DCDC2C: variants seen among roughly 807,000 people sequenced by gnomAD.
The protein encoded by DCDC2C is doublecortin domain-containing protein 2C.
A neutral mutation model predicts 45.0 loss-of-function variants in DCDC2C; 44 were observed. That is an observed-to-expected ratio of 0.98 (90% confidence interval 0.77 to 1.26). DCDC2C has a LOEUF of 1.26. DCDC2C is among the 50% of genes most tolerant of loss of function. The pLI is 0.00. For missense variants in DCDC2C, 447 were observed against 468.9 expected, an observed-to-expected ratio of 0.95 and a Z score of 0.43; for synonymous variants, 187 against 178.8, an observed-to-expected ratio of 1.05 and a Z score of -0.37.
chr2:3,706,922 G>C (rs1320504385), intron 1 of DCDC2C, among the ~76,000 whole-genome samples: 2 of 152,228 alleles, frequency 1.3e-5, no homozygotes, highest in African/African-American at 4.8e-5. Context: ...CCATAAAGCA[G>C]GCTGGCTTCA....
chr2:3,796,437 G>C (rs1670954614), intron 10 of DCDC2C, among the ~76,000 whole-genome samples: 1 of 115,006 alleles, frequency 8.7e-6, no homozygotes, highest in African/African-American at 3.7e-5. Context: ...GGGCATCCCT[G>C]TCTTGTGCCA....
At chr2:3,781,927 C>T (rs751496313) in intron 9 of DCDC2C, among the ~76,000 whole-genome samples, 13 of 152,174 alleles carry the variant, frequency 8.5e-5, no homozygotes, top group African/African-American at 2.2e-4. Flanking sequence ...TGATCACAAA[C>T]GTTATTTTTG....
Position 3,703,599 on chromosome 2 carries a change from C to T in DCDC2C, c.-153C>T, listed in dbSNP as rs1667931048. The T allele has an allele frequency of 2.7e-6, 2 of 731,020 alleles. No individual in the cohort carries two copies. Among genetic ancestry groups the T allele is most frequent in the Non-Finnish European group, 1.8e-6 (1 of 546,382 alleles). 45.3% of individuals were successfully genotyped at this position (731,020 alleles called of 1,614,324 possible). A position where few individuals can be genotyped will look rare whatever the true frequency, so the allele number is the denominator to read the frequency against. Reference sequence around the variant, plus strand: ...CAGCCCCGTCCCGTCCCCGTCCAGCCCCCGTCCCGTCCCCGTCCCGTCCCC... The same window carrying T: ...CAGCCCCGTCCCGTCCCCGTCCAGCTCCCGTCCCGTCCCCGTCCCGTCCCC... On this transcript the variant is annotated 5_prime_UTR_variant, in exon 1 of 11. Transcript: ENST00000399143. The surrounding 1 kb of genome is among the most constrained non-coding windows in gnomAD (Gnocchi z 4.4).
chr2:3,789,310 C>G (rs1361213645), intron 10 of DCDC2C, among the ~76,000 whole-genome samples: 1 of 152,210 alleles, frequency 6.6e-6, no homozygotes, highest in Non-Finnish European at 1.5e-5. Flanking sequence ...TCCAGACTTC[C>G]TTTGAACTGA....
At chr2:3,779,713 A>G (rs375573783) in intron 9 of DCDC2C, among the ~76,000 whole-genome samples, 11 of 152,144 alleles carry the variant, frequency 7.2e-5, no homozygotes, top group African/African-American at 2.7e-4. Context: ...TGAGAGTTGC[A>G]GTCTGATTTA....
chr2:3,777,305 C>T (rs1000783273), intron 8 of DCDC2C, among the ~76,000 whole-genome samples: 9 of 152,198 alleles, frequency 5.9e-5, no homozygotes, highest in Admixed American at 2.6e-4. Context: ...ATGTACCTCT[C>T]CTTGTAGCAC....
At chr2:3,777,597 G>A (rs535818132) in intron 8 of DCDC2C, among the ~76,000 whole-genome samples, 181 of 152,064 alleles carry the variant, frequency 1.2e-3, no homozygotes, top group Admixed American at 1.8e-3. Flanking sequence ...ATTTTTTTAC[G>A]TGGTTTGAGC....
At chr2:3,749,064 C>T (rs1015709826) in intron 4 of DCDC2C, among the ~76,000 whole-genome samples, 1 of 152,004 alleles carries the variant, frequency 6.6e-6, no homozygotes, top group African/African-American at 2.4e-5. Flanking sequence ...ATAGACTGTA[C>T]CTTTATTTTG....
At chr2:3,763,712 G>T (rs1669946623) in intron 6 of DCDC2C, among the ~76,000 whole-genome samples, 1 of 152,122 alleles carries the variant, frequency 6.6e-6, no homozygotes, top group Non-Finnish European at 1.5e-5. Context: ...GCTCATTCCA[G>T]CATCCTTCAC....
chr2:3,708,780 C>T (rs1668133198), intron 2 of DCDC2C, among the ~76,000 whole-genome samples, 180 bp downstream of exon 2: 1 of 152,162 alleles, frequency 6.6e-6, no homozygotes, highest in Non-Finnish European at 1.5e-5. Flanking sequence ...ACTGAAGTAA[C>T]CAAGTGGCGG....
At position 3,845,230 on chromosome 2, in the gene DCDC2C, G is replaced by A. The variant is rs953698219; in HGVS notation, c.1066-1924G>A. Among the ~76,000 whole-genome samples the A allele has an allele frequency of 4.6e-5, 7 of 152,270 alleles. No individual in the cohort carries two copies. The East Asian group carries it at 1.2e-3, about 25-fold the overall frequency. On this transcript the variant is annotated intron_variant, in intron 10 of 10. Transcript: ENST00000399143. ...AAAATTACTTACCATAAGCAGAACCGTGCTGGACACACAAAAGGCACTAAG... is the reference window on the plus strand; with the variant it reads ...AAAATTACTTACCATAAGCAGAACCATGCTGGACACACAAAAGGCACTAAG...
At chr2:3,740,467 A>G (rs1669172102) in intron 3 of DCDC2C, among the ~76,000 whole-genome samples, 1 of 152,228 alleles carries the variant, frequency 6.6e-6, no homozygotes, top group African/African-American at 2.4e-5. Flanking sequence ...TACTCAGGAT[A>G]AGATTATAAA....
chr2:3,708,604 A>G lies in DCDC2C; in HGVS notation c.339+4A>G. 6.5e-7 allele frequency: 1 copy of G among 1,547,936 alleles called. No individual in the cohort carries two copies. The highest frequency in any genetic ancestry group is 8.7e-7 in the Non-Finnish European group (1 of 1,145,158). On this transcript the variant is annotated splice_donor_region_variant and intron_variant, in intron 2 of 10. Coordinates refer to ENST00000399143, the MANE Select transcript of DCDC2C (RefSeq NM_001287444.2). ...AAAGATAAGGAAGTTGAAGGAAGTA[A>G]GTGTTTGCTTCTAACAACTAATAAT...
rs567055088 is a variant in DCDC2C, at chr2:3,726,905, C to A, written c.340-98C>A. ...TTCTATTGACAAAGGGGTTCCCCCC[C>A]TTTCTTATGTTTTAGGGCAGTGCTG... On this transcript the variant is annotated intron_variant, in intron 2 of 10. Coordinates refer to ENST00000399143, the MANE Select transcript of DCDC2C (RefSeq NM_001287444.2). 22 of 1,113,298 alleles carry A rather than the reference C, an allele frequency of 2.0e-5. No homozygotes were observed. In the Admixed American group the frequency reaches 3.4e-4, roughly 17 times the overall value. The allele number at this position is 1,113,298 out of a possible 1,614,324, so 69.0% of individuals were successfully genotyped here.
chr2:3,839,650 AT>A (rs1672160841), intron 10 of DCDC2C, among the ~76,000 whole-genome samples: 1 of 151,898 alleles, frequency 6.6e-6, no homozygotes, highest in Non-Finnish European at 1.5e-5. Context: ...CTCTGCTCCA[AT>A]TTTCAGATTT....
intron 10 of DCDC2C, chr2:3,788,633 A>G (rs1050865773): frequency 1.3e-5 from 2 of 152,200 alleles, no homozygotes; most frequent in Non-Finnish European, 2.9e-5. Flanking sequence ...GATTTGTGAC[A>G]TGGTCTATCT....
intron 10 of DCDC2C, among the ~76,000 whole-genome samples, chr2:3,831,031 C>T (rs112508572): frequency 0.024 from 3,664 of 151,984 alleles, 61 homozygotes; most frequent in Middle Eastern, 0.041. Context: ...CTGAGCAATT[C>T]CGAGTAGGAT....
intron 10 of DCDC2C, among the ~76,000 whole-genome samples, chr2:3,836,913 A>G (rs573364781): frequency 6.6e-6 from 1 of 151,864 alleles, no homozygotes; most frequent in East Asian, 1.9e-4. Context: ...CTTTGCAACT[A>G]TCTTGTAATA....
intron 3 of DCDC2C, among the ~76,000 whole-genome samples, chr2:3,730,748 A>T (rs1481279587): frequency 6.6e-6 from 1 of 152,216 alleles, no homozygotes; most frequent in Non-Finnish European, 1.5e-5. Flanking sequence ...GACTGCCCTC[A>T]GCAGTCCTTC....
Sources: allele counts gnomAD v4.1 joint callset (sites outside exome capture counted in the v4.1 genomes callset), GRCh38; gene constraint gnomAD v4.1.1; non-coding constraint Gnocchi (gnomAD v3.1); transcripts MANE v1.5; gene names NCBI Gene and HGNC (gene_info 2026-07-23, HGNC 2026-07-21).